Variants in NXPE2 observed in about 807,000 individuals in gnomAD.
NXPE2 encodes neurexophilin and PC-esterase domain family member 2.
NXPE2 carries 34 observed loss-of-function variants against 34.4 expected under a neutral mutation model. The ratio of observed to expected loss-of-function variants is 0.99; its 90% CI spans 0.75 to 1.31. The LOEUF (loss-of-function observed/expected upper bound fraction) is 1.31. NXPE2 is among the 40% of genes most tolerant of loss of function. The pLI is 0.00. For missense variants in NXPE2, 649 were observed against 672.5 expected (o/e 0.97, Z 0.39); for synonymous variants, 235 against 231.3 (o/e 1.02, Z -0.15).
chr11:114,665,966 TA>T, the NXPE2 span, among the ~76,000 whole-genome samples: 2 of 152,068 alleles, frequency 1.3e-5, no homozygotes, highest in African/African-American at 4.8e-5. Context: ...GAGACTGAGG[TA>T]GGGGGCAGGG....
At chr11:114,489,166 T>C in the NXPE2 span, among the ~76,000 whole-genome samples, 1 of 152,014 alleles carries the variant, frequency 6.6e-6, no homozygotes, top group African/African-American at 2.4e-5. Context: ...CAGGAAGAAG[T>C]TGAATCTCTG....
At chr11:114,733,575 T>C in the NXPE2 span, among the ~76,000 whole-genome samples, 1 of 152,158 alleles carries the variant, frequency 6.6e-6, no homozygotes, top group African/African-American at 2.4e-5. Flanking sequence ...CTCCTTCTTC[T>C]TGGGTGCCGT....
the NXPE2 span, among the ~76,000 whole-genome samples, chr11:114,630,827 G>GA: frequency 1.3e-5 from 2 of 151,500 alleles, no homozygotes; most frequent in Non-Finnish European, 2.9e-5. Flanking sequence ...AAATTTACAA[G>GA]AAAAAAACAA....
At chr11:114,513,064 C>T in the NXPE2 span, 2 of 475,038 alleles carry the variant, frequency 4.2e-6, no homozygotes, top group African/African-American at 4.0e-5. Flanking sequence ...TGAATCTGAC[C>T]AGTTAGGTGC....
At chr11:114,780,718 G>A in the NXPE2 span, among the ~76,000 whole-genome samples, 4 of 152,156 alleles carry the variant, frequency 2.6e-5, no homozygotes, top group Admixed American at 6.5e-5. Context: ...GACTCAGGGC[G>A]ATCTGATAAA....
chr11:114,716,761 TCC>T, the NXPE2 span, among the ~76,000 whole-genome samples: 1 of 152,204 alleles, frequency 6.6e-6, no homozygotes, highest in African/African-American at 2.4e-5. Context: ...TTGGTATCAG[TCC>T]ATTGCCACTT....
chr11:114,636,724 A>C, the NXPE2 span, among the ~76,000 whole-genome samples: 1 of 152,112 alleles, frequency 6.6e-6, no homozygotes, highest in Admixed American at 6.6e-5. Flanking sequence ...TTATGTACCC[A>C]GCAGTCATTC....
At chr11:114,770,453 A>C in the NXPE2 span, among the ~76,000 whole-genome samples, 4 of 152,342 alleles carry the variant, frequency 2.6e-5, no homozygotes, top group South Asian at 8.3e-4. Flanking sequence ...AGCTGCTACC[A>C]GGTGTCCAGA....
At chr11:114,546,619 T>A in the NXPE2 span, among the ~76,000 whole-genome samples, 2 of 151,962 alleles carry the variant, frequency 1.3e-5, no homozygotes, top group Non-Finnish European at 2.9e-5. Flanking sequence ...CTGAGCGCTG[T>A]CTTCTGAGAG....
the NXPE2 span, among the ~76,000 whole-genome samples, chr11:114,738,593 A>G: frequency 5.3e-5 from 8 of 152,256 alleles, no homozygotes; most frequent in South Asian, 1.7e-3. Flanking sequence ...TGCTCCAGCC[A>G]TGTTCGAGGA....
chr11:114,512,978 T>A, the NXPE2 span: 1 of 348,476 alleles, frequency 2.9e-6, no homozygotes, highest in Non-Finnish European at 5.8e-6. Flanking sequence ...TGTCTCGCCC[T>A]CCAGAGAGTC....
chr11:114,528,827 G>A, the NXPE2 span: 9 of 678,556 alleles, frequency 1.3e-5, no homozygotes, highest in Non-Finnish European at 2.2e-5. Context: ...CTCTCCAGGT[G>A]CCATCCTGAG....
the NXPE2 span, among the ~76,000 whole-genome samples, chr11:114,799,190 AAGTT>A: frequency 1.3e-5 from 2 of 151,954 alleles, no homozygotes; most frequent in Non-Finnish European, 2.9e-5. Context: ...AAGAGAAAAT[AAGTT>A]AGTCTATCTT....
the NXPE2 span, chr11:114,582,880 C>G: frequency 6.2e-7 from 1 of 1,614,132 alleles, no homozygotes; most frequent in Non-Finnish European, 8.5e-7. Flanking sequence ...ATCTGCTGAT[C>G]TAGTTTCTCT....
the NXPE2 span, among the ~76,000 whole-genome samples, chr11:114,477,522 G>GA: frequency 1.5e-4 from 23 of 152,078 alleles, 1 homozygote; most frequent in East Asian, 4.4e-3. Context: ...GGGGTACAAA[G>GA]ACAACACCCT....
At chr11:114,714,595 C>T in the NXPE2 span, among the ~76,000 whole-genome samples, 3 of 152,178 alleles carry the variant, frequency 2.0e-5, no homozygotes, top group African/African-American at 7.2e-5. Context: ...CATGCCACCT[C>T]TCGGCTCTGC....
chr11:114,742,695 T>C, the NXPE2 span, among the ~76,000 whole-genome samples: 2 of 151,680 alleles, frequency 1.3e-5, no homozygotes, highest in African/African-American at 2.4e-5. Context: ...GATGGTATTT[T>C]TGTTTGTGGG....
the NXPE2 span, among the ~76,000 whole-genome samples, chr11:114,550,204 C>G: frequency 1.3e-5 from 2 of 152,090 alleles, no homozygotes; most frequent in African/African-American, 4.8e-5. Flanking sequence ...CTGGGTCAGA[C>G]AGGCCAGTTA....
At chr11:114,675,288 A>C (rs1950845342), upstream of NXPE2, among the ~76,000 whole-genome samples, 1 of 151,956 alleles carries the variant, frequency 6.6e-6, no homozygotes, top group South Asian at 2.1e-4. Context: ...AATTCAACAT[A>C]GTACTGGAAG....
Sources: allele counts gnomAD v4.1 joint callset (sites outside exome capture counted in the v4.1 genomes callset), GRCh38; gene constraint gnomAD v4.1.1; transcripts MANE v1.5; gene names NCBI Gene and HGNC (gene_info 2026-07-23, HGNC 2026-07-21).